Variants in MED24 observed in about 807,000 individuals in gnomAD.
MED24 encodes mediator complex subunit 24, also known as mediator of RNA polymerase II transcription subunit 24.
In MED24, 74 loss-of-function variants were observed where a neutral mutation model predicts 118.8. The ratio of observed to expected loss-of-function variants is 0.62; its 90% CI spans 0.52 to 0.76. The LOEUF is 0.76. Ranked by LOEUF, MED24 falls within the 30% of genes least tolerant of loss-of-function variation. The pLI, the probability that MED24 is intolerant of heterozygous loss-of-function variation, is 0.00. For synonymous variants in MED24, 521 were observed against 523.9 expected, an observed-to-expected ratio of 0.99 and a Z score of 0.08; for missense variants, 1,041 against 1,278.9, an observed-to-expected ratio of 0.81 and a Z score of 2.84.
At chr17:40,020,376 C>A in intron 23 of MED24, 23 bp from the exon 24 acceptor site, 2 of 1,577,582 alleles carry the variant, frequency 1.3e-6, no homozygotes. Context: ...GCAGATGGAG[C>A]GCTGGGAAAC....
Position 40,026,407 on chromosome 17 carries a change from G to A in MED24, c.1810-76C>T, listed in dbSNP as rs757042239. The stretch of plus-strand genomic sequence containing the variant: ...CCAACATCACCTTCTCAGCCTCTGC[G>A]GGCAGCTAAGTGCAGCGGGTGGAGT... On this transcript the variant is annotated intron_variant, in intron 18 of 25. Transcript: ENST00000394128. The A allele has an allele frequency of 2.8e-5, 43 of 1,547,112 alleles. 1 individual carries two copies. The highest frequency in any genetic ancestry group is 4.5e-5 in the East Asian group (2 of 44,274).
intron 12 of MED24, 48 bp downstream of exon 12, chr17:40,031,107 CAAGA>C (rs1277116197): frequency 3.3e-6 from 5 of 1,518,972 alleles, no homozygotes; most frequent in Non-Finnish European, 4.5e-6. Context: ...CCCACCGTAA[CAAGA>C]GAGAGGTCAA....
intron 3 of MED24, among the ~76,000 whole-genome samples, chr17:40,038,500 C>T (rs1198687424): frequency 6.6e-6 from 1 of 151,864 alleles, no homozygotes; most frequent in Non-Finnish European, 1.5e-5. Context: ...ATCACGGGGT[C>T]AAGAGATCAA....
intron 1 of MED24, chr17:40,053,900 G>T (rs1435854725): frequency 1.7e-6 from 1 of 579,976 alleles, no homozygotes; most frequent in Non-Finnish European, 3.1e-6. Context: ...GGAGGCAGAG[G>T]CGGGCGAATC....
At chr17:40,023,031 G>A in intron 20 of MED24, 100 bp downstream of exon 20, 1 of 1,487,504 alleles carries the variant, frequency 6.7e-7, no homozygotes, top group Non-Finnish European at 9.1e-7. Context: ...AGGCCACCTG[G>A]CTCACGGCAG....
intron 21 of MED24, 23 bp from the exon 22 acceptor site, chr17:40,022,507 G>A: frequency 6.3e-7 from 1 of 1,599,854 alleles, no homozygotes; most frequent in Admixed American, 1.7e-5. Context: ...TCCAGAAAAA[G>A]GGGGACAGTG....
At chr17:40,046,900 TA>T (rs1985291137) in intron 3 of MED24, among the ~76,000 whole-genome samples, 1 of 151,836 alleles carries the variant, frequency 6.6e-6, no homozygotes, top group African/African-American at 2.4e-5. Context: ...TACAAAAATG[TA>T]AAAATTATCA....
chr17:40,020,098 G>GCCCCCCCCCC, intron 24 of MED24, 165 bp from the exon 25 acceptor site: 1 of 951,342 alleles, frequency 1.1e-6, no homozygotes, highest in Non-Finnish European at 1.6e-6. Flanking sequence ...GGGGAGGGGA[G>GCCCCCCCCCC]GAGGGGGAAC....
chr17:40,027,754 C>G (rs1441539429), intron 15 of MED24, 155 bp downstream of exon 15: 25 of 843,368 alleles, frequency 3.0e-5, no homozygotes, highest in Non-Finnish European at 4.2e-5. Flanking sequence ...GCATTATCCA[C>G]TTTCAAGCTC....
Position 40,029,831 on chromosome 17 carries a change from G to C in MED24, c.1183C>G (p.Gln395Glu). ...ATGTTGGCATTCTCTCCCGATTTCT[G>C]CTGGGGTGCGTGCTCTCGGTCCGCT... is the stretch of plus-strand genomic sequence containing the variant. ...RKADREHAPQ[Q>E]KSGENANIQP... Residue 395 changes from glutamine to glutamate, a missense_variant, in exon 13 of 26, where the codon CAG becomes GAG. By Grantham distance (29) the Gln-to-Glu change is conservative. Transcript: ENST00000394128. 1 of 1,614,162 alleles carries C rather than the reference G, an allele frequency of 6.2e-7. No individual in the cohort carries two copies. The highest frequency in any genetic ancestry group is 8.5e-7 in the Non-Finnish European group (1 of 1,180,006).
chr17:40,031,429 G>A, intron 11 of MED24, 109 bp downstream of exon 11: 1 of 1,309,008 alleles, frequency 7.6e-7, no homozygotes, highest in Non-Finnish European at 1.1e-6. Flanking sequence ...CCCCTGCCAA[G>A]GGGAGTGAAC....
At chr17:40,038,431 G>A (rs938504447) in intron 3 of MED24, among the ~76,000 whole-genome samples, 3 of 151,912 alleles carry the variant, frequency 2.0e-5, no homozygotes, top group Non-Finnish European at 2.9e-5. Flanking sequence ...GAAAGCTGTC[G>A]GCCGGGTGCA....
At chr17:40,027,651 C>T (rs1038074997) in intron 15 of MED24, 186 bp from the exon 16 acceptor site, 5 of 671,310 alleles carry the variant, frequency 7.4e-6, no homozygotes, top group African/African-American at 7.2e-5. Context: ...GACCAAAGAC[C>T]CCCAGCACCC....
intron 8 of MED24, 81 bp downstream of exon 8, chr17:40,032,975 G>A: frequency 6.4e-7 from 1 of 1,570,546 alleles, no homozygotes; most frequent in Non-Finnish European, 8.6e-7. Flanking sequence ...CTTCTCCCAG[G>A]GAGAACCAGA....
At position 40,031,252 on chromosome 17, in the gene MED24, G is replaced by C. The variant is rs1351147123; in HGVS notation, c.1068-7C>G. ...GAAGTTTGTACAGTCACAGCTGTGA[G>C]GGAGAAAGATGCTGAGGGAACTGGG... On this transcript the variant is annotated splice_region_variant and splice_polypyrimidine_tract_variant and intron_variant, in intron 11 of 25. Coordinates refer to ENST00000394128, the MANE Select transcript of MED24 (RefSeq NM_014815.4). 6.4e-7 allele frequency: 1 copy of C among 1,561,084 alleles called. No homozygotes were observed. Among genetic ancestry groups the C allele is most frequent in the Admixed American group, 1.9e-5 (1 of 51,846 alleles).
chr17:40,022,451 G>T lies in MED24; in HGVS notation c.2466C>A (p.Ser822=). ...LAVWCALSSY[S]SHKGQASTRQ... is the part of the protein sequence containing the mutation. ...GGGTGGACGCCTGTCCCTTGTGGGA[G>T]GAGTAGGAACTGAGGGCACACCACA... Residue 822 remains serine (S), a synonymous_variant, in exon 22 of 26, where the codon TCC becomes TCA. Coordinates refer to ENST00000394128, the MANE Select transcript of MED24 (RefSeq NM_014815.4). 1 of 1,610,754 alleles carries T rather than the reference G, an allele frequency of 6.2e-7. No individual in the cohort carries two copies. Among genetic ancestry groups the T allele is most frequent in the Non-Finnish European group, 8.5e-7 (1 of 1,178,738 alleles).
chr17:40,034,982 A>G (rs1347393411), intron 6 of MED24, 135 bp downstream of exon 6: 3 of 1,608,118 alleles, frequency 1.9e-6, no homozygotes, highest in Non-Finnish European at 2.5e-6. Flanking sequence ...GCTTATGGGG[A>G]GAAAAAAAAG....
At chr17:40,048,079 C>T (rs981625156) in intron 3 of MED24, among the ~76,000 whole-genome samples, 2 of 152,218 alleles carry the variant, frequency 1.3e-5, no homozygotes, top group Admixed American at 6.5e-5. Context: ...TATATTTTTA[C>T]GGAAGTCTTG....
intron 24 of MED24, 51 bp from the exon 25 acceptor site, chr17:40,019,984 G>A (rs1428351078): frequency 2.0e-6 from 3 of 1,535,852 alleles, no homozygotes; most frequent in Non-Finnish European, 2.6e-6. Flanking sequence ...GAGAGTGGGT[G>A]AGGTCACACT....
Sources: gnomAD v4.1 joint callset for allele counts (sites outside exome capture counted in the v4.1 genomes callset) on GRCh38, gnomAD v4.1.1 for gene constraint, MANE v1.5 for transcripts, NCBI Gene and HGNC (gene_info 2026-07-23, HGNC 2026-07-21) for gene names.